TASP1: variants seen among roughly 807,000 people sequenced by gnomAD.
TASP1 encodes the protein taspase 1, also known as threonine aspartase 1.
Under a neutral mutation model 56.6 loss-of-function variants are expected in TASP1, and 16 were observed. The ratio of observed to expected loss-of-function variants is 0.28; its 90% CI spans 0.19 to 0.43. The LOEUF (loss-of-function observed/expected upper bound fraction) is 0.43, where lower values mean the gene tolerates loss of function less well. TASP1 is among the 20% of genes least tolerant of loss of function. The pLI is 1.00. For synonymous variants in TASP1, 179 were observed against 184.2 expected, an observed-to-expected ratio of 0.97 and a Z score of 0.23; for missense variants, 393 against 511.6, an observed-to-expected ratio of 0.77 and a Z score of 2.24.
intron 4 of TASP1, among the ~76,000 whole-genome samples, chr20:13,613,398 T>C (rs763069517): frequency 6.6e-6 from 1 of 152,146 alleles, no homozygotes; most frequent in South Asian, 2.1e-4. Context: ...GAACGTGTTG[T>C]GCCGAAAACA....
chr20:13,117,382 A>C, the TASP1 span: 1 of 898,752 alleles, frequency 1.1e-6, no homozygotes, highest in Non-Finnish European at 1.6e-6. Flanking sequence ...CAAATAAAAC[A>C]TGCCTTCAGA....
chr20:13,248,077 A>G, the TASP1 span, among the ~76,000 whole-genome samples: 1 of 152,238 alleles, frequency 6.6e-6, no homozygotes, highest in Non-Finnish European at 1.5e-5. Context: ...GGGTGATGGC[A>G]GCGTCCAAAA....
intron 8 of TASP1, among the ~76,000 whole-genome samples, chr20:13,537,851 ATTATATAG>A (rs937490288): frequency 6.6e-6 from 1 of 152,196 alleles, no homozygotes; most frequent in African/African-American, 2.4e-5. Flanking sequence ...AGAGATGGTT[ATTATATAG>A]TTATTATAAG....
At chr20:13,212,173 G>C in the TASP1 span, among the ~76,000 whole-genome samples, 1 of 152,094 alleles carries the variant, frequency 6.6e-6, no homozygotes, top group East Asian at 1.9e-4. Flanking sequence ...ACTAAGTTCT[G>C]GTCAATGGCA....
the TASP1 span, among the ~76,000 whole-genome samples, chr20:13,330,328 G>A: frequency 6.6e-6 from 1 of 152,136 alleles, no homozygotes; most frequent in Non-Finnish European, 1.5e-5. Context: ...TTAACATGTG[G>A]AATTACATTG....
rs774231177 is a variant in TASP1, at chr20:13,630,016, C to T, written c.63G>A (p.Ser21=). ...EGLPSRSSQV[S]AGKITAKELE... ...ACTCTTTGGCTGTTATTTTACCAGC[C>T]GAAACCTGAGATGATCTGGAAGGCA... is the stretch of plus-strand genomic sequence containing the variant. Residue 21 remains serine, a synonymous_variant, in exon 2 of 14, where the codon TCG becomes TCA. Coordinates refer to ENST00000337743, the MANE Select transcript of TASP1 (RefSeq NM_017714.3). The T allele has an allele frequency of 1.9e-6, 3 of 1,613,834 alleles. No individual in the cohort carries two copies. Among genetic ancestry groups the T allele is most frequent in the Non-Finnish European group, 2.5e-6 (3 of 1,179,982 alleles).
intron 7 of TASP1, among the ~76,000 whole-genome samples, chr20:13,560,707 G>C (rs1324519894): frequency 6.6e-6 from 1 of 152,082 alleles, no homozygotes; most frequent in East Asian, 1.9e-4. Context: ...AGAAACTTTT[G>C]GTCTCATGGG....
intron 8 of TASP1, among the ~76,000 whole-genome samples, chr20:13,553,318 C>A (rs2046043634): frequency 6.6e-6 from 1 of 152,168 alleles, no homozygotes; most frequent in Non-Finnish European, 1.5e-5. Flanking sequence ...TAAGCCCACT[C>A]TGCATGGTTT....
chr20:13,107,717 C>A, the TASP1 span, among the ~76,000 whole-genome samples: 6 of 150,572 alleles, frequency 4.0e-5, no homozygotes, highest in African/African-American at 1.5e-4. Flanking sequence ...TTTAAACTGA[C>A]AAAGCACCTA....
intron 6 of TASP1, 119 bp from the exon 7 acceptor site, chr20:13,569,705 G>C: frequency 1.3e-6 from 1 of 773,332 alleles, no homozygotes; most frequent in Admixed American, 2.9e-5. Context: ...CATAATTCCA[G>C]ATTTACCTCA....
chr20:13,445,759 T>A (rs917621293), intron 11 of TASP1, among the ~76,000 whole-genome samples: 3 of 152,004 alleles, frequency 2.0e-5, no homozygotes, highest in Non-Finnish European at 4.4e-5. Context: ...TAGACCTCCA[T>A]CTCCAGGAGT....
At chr20:13,240,681 G>A in the TASP1 span, among the ~76,000 whole-genome samples, 1 of 152,216 alleles carries the variant, frequency 6.6e-6, no homozygotes, top group Non-Finnish European at 1.5e-5. Flanking sequence ...CTGATCAGTG[G>A]ATAATGAGAG....
chr20:13,110,256 CT>C, the TASP1 span: 1 of 1,551,938 alleles, frequency 6.4e-7, no homozygotes, highest in Non-Finnish European at 8.9e-7. Context: ...ACTCGGAGGC[CT>C]GCAGCAAGCT....
At chr20:13,371,805 A>C in the TASP1 span, among the ~76,000 whole-genome samples, 1 of 152,170 alleles carries the variant, frequency 6.6e-6, no homozygotes, top group Non-Finnish European at 1.5e-5. Context: ...CATGTCAGTC[A>C]TGTATTTTGG....
At chr20:13,331,773 T>A in the TASP1 span, among the ~76,000 whole-genome samples, 1 of 152,132 alleles carries the variant, frequency 6.6e-6, no homozygotes, top group Non-Finnish European at 1.5e-5. Flanking sequence ...AGTATTTTTT[T>A]AACTTTACTC....
chr20:13,396,410 A>C (rs999058455), intron 13 of TASP1, among the ~76,000 whole-genome samples: 1 of 152,208 alleles, frequency 6.6e-6, no homozygotes, highest in Admixed American at 6.5e-5. Context: ...GTCTAGAATA[A>C]TGTGTATATT....
the TASP1 span, among the ~76,000 whole-genome samples, chr20:13,315,895 A>G: frequency 1.2e-4 from 19 of 152,156 alleles, no homozygotes; most frequent in Middle Eastern, 0.01. Context: ...TCTAAATAAC[A>G]CATGGGTCAA....
intron 6 of TASP1, among the ~76,000 whole-genome samples, chr20:13,576,067 T>C (rs111611588): frequency 2.0e-5 from 3 of 151,710 alleles, no homozygotes; most frequent in Non-Finnish European, 4.4e-5. Context: ...CAGGGCATGG[T>C]GGTGCATGCC....
intron 4 of TASP1, among the ~76,000 whole-genome samples, chr20:13,617,885 A>G (rs2048576597): frequency 6.6e-6 from 1 of 152,084 alleles, no homozygotes; most frequent in Non-Finnish European, 1.5e-5. Flanking sequence ...TGCCATCAGG[A>G]AGCCACACCA....
Sources: gnomAD v4.1 joint callset for allele counts (sites outside exome capture counted in the v4.1 genomes callset) on GRCh38, gnomAD v4.1.1 for gene constraint, MANE v1.5 for transcripts, NCBI Gene and HGNC (gene_info 2026-07-23, HGNC 2026-07-21) for gene names.